The following ERAP1 variants were observed in gnomAD, a reference collection of about 807,000 sequenced individuals.
ERAP1 encodes endoplasmic reticulum aminopeptidase 1.
A neutral mutation model predicts 103.7 loss-of-function variants in ERAP1; 86 were observed. That is an observed-to-expected ratio of 0.83 (90% CI 0.70 to 0.99). The LOEUF (loss-of-function observed/expected upper bound fraction) is 0.99, where lower values mean the gene tolerates loss of function less well. ERAP1 is among the 50% of genes least tolerant of loss of function. The pLI is 0.00. For synonymous variants in ERAP1, 398 were observed against 402.4 expected, an observed-to-expected ratio of 0.99 and a Z score of 0.13; for missense variants, 1,009 against 1,128.4, an observed-to-expected ratio of 0.89 and a Z score of 1.52.
intron 4 of ERAP1, among the ~76,000 whole-genome samples, chr5:96,796,274 AAAAC>A (rs1777334320): frequency 1.3e-5 from 2 of 152,218 alleles, no homozygotes; most frequent in Non-Finnish European, 2.9e-5. Context: ...TCCCCTCAGA[AAAAC>A]CTGTTTGCAT....
At chr5:96,834,203 C>T in the ERAP1 span, among the ~76,000 whole-genome samples, 2 of 152,172 alleles carry the variant, frequency 1.3e-5, no homozygotes, top group Non-Finnish European at 2.9e-5. Flanking sequence ...CTCTCTCTGC[C>T]ACAAGAATCT....
chr5:96,931,979 G>A, the ERAP1 span, among the ~76,000 whole-genome samples: 3 of 152,176 alleles, frequency 2.0e-5, no homozygotes, highest in Non-Finnish European at 4.4e-5. Context: ...TGTAGCCCAA[G>A]GAATCTGAAC....
chr5:96,762,454 A>G, exon 20 of ERAP1: 1 of 940,864 alleles, frequency 1.1e-6, no homozygotes. Context: ...GTTTAAAGCA[A>G]ATGAAAATAG....
chr5:96,924,667 G>A, the ERAP1 span, among the ~76,000 whole-genome samples: 12 of 150,864 alleles, frequency 8.0e-5, no homozygotes, highest in African/African-American at 2.0e-4. Flanking sequence ...GCGTGATCTC[G>A]GCTCACTGCA....
intron 17 of ERAP1, among the ~76,000 whole-genome samples, chr5:96,780,714 G>T (rs1277002699): frequency 6.6e-6 from 1 of 152,208 alleles, no homozygotes. Flanking sequence ...AACAGAAAAT[G>T]ACAGAAGCAG....
At chr5:96,905,528 C>T in the ERAP1 span, among the ~76,000 whole-genome samples, 42 of 152,186 alleles carry the variant, frequency 2.8e-4, no homozygotes, top group African/African-American at 9.6e-4. Flanking sequence ...ATAATTTTTA[C>T]TTGCTGTTCT....
At chr5:96,843,558 C>T in the ERAP1 span, among the ~76,000 whole-genome samples, 2 of 152,108 alleles carry the variant, frequency 1.3e-5, no homozygotes, top group East Asian at 1.9e-4. Flanking sequence ...GTTACTTGGG[C>T]GTGGAAAGTT....
At chr5:96,834,839 C>A in the ERAP1 span, among the ~76,000 whole-genome samples, 2 of 152,174 alleles carry the variant, frequency 1.3e-5, no homozygotes, top group East Asian at 1.9e-4. Flanking sequence ...AATGAGGATT[C>A]ATTTCTATGT....
At chr5:96,875,068 G>C in the ERAP1 span, among the ~76,000 whole-genome samples, 1 of 152,224 alleles carries the variant, frequency 6.6e-6, no homozygotes, top group Non-Finnish European at 1.5e-5. Flanking sequence ...GGGAGGCATG[G>C]TCGAGCAGTA....
intron 15 of ERAP1, among the ~76,000 whole-genome samples, chr5:96,782,666 G>T (rs1044362081): frequency 6.6e-6 from 1 of 152,178 alleles, no homozygotes; most frequent in Non-Finnish European, 1.5e-5. Context: ...ATCCTACCTT[G>T]CTTAGACAGT....
At chr5:96,884,982 G>A in the ERAP1 span, among the ~76,000 whole-genome samples, 1 of 152,092 alleles carries the variant, frequency 6.6e-6, no homozygotes, top group African/African-American at 2.4e-5. Flanking sequence ...TCACCATCCT[G>A]GAAGAACTTA....
the ERAP1 span, among the ~76,000 whole-genome samples, chr5:96,922,094 C>A: frequency 6.6e-6 from 1 of 150,916 alleles, no homozygotes; most frequent in Non-Finnish European, 1.5e-5. Flanking sequence ...GTCAGGAGAT[C>A]GAGACCATCC....
the ERAP1 span, among the ~76,000 whole-genome samples, chr5:96,851,412 T>C: frequency 6.6e-6 from 1 of 152,164 alleles, no homozygotes; most frequent in Non-Finnish European, 1.5e-5. Flanking sequence ...AAATGAACTC[T>C]GGGAGAAATA....
Position 96,784,384 on chromosome 5 carries a change from G to A in ERAP1, c.1944-304C>T, listed in dbSNP as rs1343431490. Among the ~76,000 whole-genome samples, 3 of 152,124 alleles carry A rather than the reference G, an allele frequency of 2.0e-5. No homozygotes were observed. The East Asian group carries it at 5.8e-4, about 29-fold the overall frequency. On this transcript the variant is annotated intron_variant, in intron 13 of 18. Transcript: ENST00000443439. ...GTGGCAGGTACTTGGTATGTGGGAG[G>A]CTGAGGCCGGAGAATCACTTGAACC... is the stretch of plus-strand genomic sequence containing the variant.
chr5:96,780,504 C>A lies in ERAP1; in HGVS notation c.2589G>T (p.Lys863Asn). The change falls in exon 18 of 19, where the codon AAG becomes AAT. Residue 863 changes from lysine (K) to asparagine (N), a missense_variant and splice_region_variant. Physicochemically the swap from Lys to Asn is moderately conservative, Grantham distance 94 (BLOSUM62 0). This residue lies in a region of ERAP1 where 611 missense variants were observed against 651.7 expected (regional missense o/e 0.94). Coordinates refer to ENST00000443439, the MANE Select transcript of ERAP1 (RefSeq NM_001040458.3). ...LRKNWNKLVQ[K>N]FELGSSSIAH... ...CTATGGAAGATGAGCCAAGTTCAAA[C>A]CTAGAGAGGGAAATATTCAAAAACG... The A allele has an allele frequency of 6.2e-7, 1 of 1,610,134 alleles. No individual in the cohort carries two copies. Among genetic ancestry groups the A allele is most frequent in the Non-Finnish European group, 8.5e-7 (1 of 1,176,782 alleles).
chr5:96,781,961 G>A, intron 15 of ERAP1, 107 bp from the exon 16 acceptor site: 1 of 1,075,268 alleles, frequency 9.3e-7, no homozygotes, highest in Non-Finnish European at 1.4e-6. Flanking sequence ...GATCAGAGAA[G>A]CATGCCTGGA....
At chr5:96,881,038 G>A in the ERAP1 span, 4 of 172,892 alleles carry the variant, frequency 2.3e-5, no homozygotes, top group African/African-American at 7.2e-5. Context: ...CGGGGCAAGT[G>A]CTCTAAAGTG....
At chr5:96,915,646 A>G in the ERAP1 span, 3 of 1,193,104 alleles carry the variant, frequency 2.5e-6, no homozygotes, top group Non-Finnish European at 3.5e-6. Context: ...ACATAAGGTC[A>G]GTATTTCTAT....
chr5:96,917,178 C>T, the ERAP1 span, among the ~76,000 whole-genome samples: 1 of 152,194 alleles, frequency 6.6e-6, no homozygotes, highest in Non-Finnish European at 1.5e-5. Flanking sequence ...ACCATCTTGG[C>T]TCATTGTAAC....
Sources: gnomAD v4.1 joint callset for allele counts (sites outside exome capture counted in the v4.1 genomes callset) on GRCh38, gnomAD v4.1.1 for gene constraint, gnomAD v4.1.1 regional missense constraint, MANE v1.5 for transcripts, NCBI Gene and HGNC (gene_info 2026-07-23, HGNC 2026-07-21) for gene names.